Variants in DAB1 observed in about 807,000 individuals in gnomAD.
The protein encoded by DAB1 is disabled homolog 1.
DAB1 carries 15 observed loss-of-function variants against 64.6 expected under a neutral mutation model. That is an observed-to-expected ratio of 0.23 (90% CI 0.16 to 0.36). The LOEUF is 0.36. Ranked by LOEUF, DAB1 falls within the 10% of genes least tolerant of loss-of-function variation. The probability of loss-of-function intolerance (pLI) is 1.00; values close to 1 mark genes in which losing one functional copy is unlikely to be tolerated. For missense variants in DAB1, 596 were observed against 706.7 expected (o/e 0.84, Z 1.78); for synonymous variants, 235 against 251.9 (o/e 0.93, Z 0.64).
intron 6 of DAB1, among the ~76,000 whole-genome samples, chr1:57,727,480 C>T (rs551920085): frequency 2.0e-5 from 3 of 152,108 alleles, no homozygotes; most frequent in East Asian, 1.9e-4. Context: ...ATCTGTAATC[C>T]GCTGCAATCA....
intron 7 of DAB1, among the ~76,000 whole-genome samples, chr1:57,477,530 T>C (rs1210140552): frequency 1.3e-5 from 2 of 152,128 alleles, no homozygotes; most frequent in African/African-American, 4.8e-5. Context: ...CAGTCAGATA[T>C]CACTTGATTA....
chr1:58,244,749 T>C lies in DAB1; in HGVS notation n.310-94161A>G, dbSNP rs1372938681. Among the ~76,000 whole-genome samples, 5 of 152,212 alleles carry C rather than the reference T, an allele frequency of 3.3e-5. No individual in the cohort carries two copies. In the East Asian group the frequency reaches 9.6e-4, roughly 29 times the overall value. On this transcript the variant is annotated intron_variant and non_coding_transcript_variant, in intron 4 of 20. Transcript: ENST00000485760. ...GCAAATATTTTACTGATTTTTATTG[T>C]GCCAGGCATGTTCCAGCTGAGAATA...
chr1:57,226,672 A>AATATATATAT (rs61660460), intron 2 of DAB1, among the ~76,000 whole-genome samples: 15 of 135,996 alleles, frequency 1.1e-4, no homozygotes, highest in African/African-American at 4.3e-4. Context: ...TTAAAAAAAA[A>AATATATATAT]ATATATATAT....
chr1:57,386,499 G>A (rs977053806), intron 1 of DAB1: 1 of 151,946 alleles, frequency 6.6e-6, no homozygotes, highest in Non-Finnish European at 1.5e-5. Context: ...ACCTGAGACT[G>A]AATAGAACCC....
intron 1 of DAB1, among the ~76,000 whole-genome samples, chr1:57,408,349 C>G (rs1043996998): frequency 2.0e-5 from 3 of 152,090 alleles, no homozygotes; most frequent in Admixed American, 1.3e-4. Flanking sequence ...ATAGCCCTAC[C>G]CGGGTTTGAG....
At chr1:58,255,869 A>G (rs755824042) in intron 4 of DAB1, among the ~76,000 whole-genome samples, 11 of 152,208 alleles carry the variant, frequency 7.2e-5, no homozygotes, top group Non-Finnish European at 1.3e-4. Context: ...TAAGCCTGTG[A>G]GGTAAGAATT....
intron 6 of DAB1, among the ~76,000 whole-genome samples, chr1:57,750,146 G>C (rs187267182): frequency 6.6e-6 from 1 of 152,104 alleles, no homozygotes; most frequent in Non-Finnish European, 1.5e-5. Context: ...CCTGGAAATG[G>C]ATCTTTTCCT....
In DAB1 at chr1:57,018,707, C is replaced by G. The variant is rs542593477; in HGVS notation, c.896-3276G>C. ...GTTTTTGGCTTTGCTTTTATTCCAC[C>G]CTCCTTGCTGCCATGAAGGACTGTT... On this transcript the variant is annotated intron_variant, in intron 11 of 14. Transcript: ENST00000371236. Among the ~76,000 whole-genome samples, 277 of 152,254 alleles carry G rather than the reference C, an allele frequency of 1.8e-3. 2 individuals are homozygous for G. Among genetic ancestry groups the G allele is most frequent in the African/African-American group, 6.4e-3 (266 of 41,538 alleles).
rs74072772 is a variant in DAB1 at position 57,805,003 on chromosome 1, C to T, written n.551+78996G>A. Among the ~76,000 whole-genome samples the T allele has an allele frequency of 4.7e-3, 714 of 152,298 alleles. 5 individuals are homozygous for T. Among genetic ancestry groups the T allele is most frequent in the African/African-American group, 0.016 (679 of 41,562 alleles). On this transcript the variant is annotated intron_variant and non_coding_transcript_variant, in intron 6 of 20. Coordinates refer to the DAB1 transcript ENST00000485760. ...CAGAGGGGAACAGAATCAATCCAAG[C>T]TGCTCATTAAAAGGTAAACTGTCAA... is the stretch of plus-strand genomic sequence containing the variant.
At chr1:57,268,825 G>C (rs993582244) in intron 2 of DAB1, among the ~76,000 whole-genome samples, 5 of 152,198 alleles carry the variant, frequency 3.3e-5, no homozygotes, top group Admixed American at 3.3e-4. Flanking sequence ...GGCAAACTGA[G>C]CACTTGCCAG....
chr1:57,892,066 T>G (rs996914205), intron 5 of DAB1, among the ~76,000 whole-genome samples: 2 of 152,214 alleles, frequency 1.3e-5, no homozygotes, highest in African/African-American at 4.8e-5. Flanking sequence ...CTATGTTATC[T>G]TTGATCTCTG....
chr1:58,020,650 G>A (rs914171756), intron 5 of DAB1, among the ~76,000 whole-genome samples: 5 of 152,138 alleles, frequency 3.3e-5, no homozygotes, highest in African/African-American at 1.2e-4. Context: ...GGCCTGATAC[G>A]CAGAGCTGAT....
At chr1:58,268,253 TA>T (rs1424913269) in intron 4 of DAB1, among the ~76,000 whole-genome samples, 2 of 151,930 alleles carry the variant, frequency 1.3e-5, no homozygotes, top group Non-Finnish European at 2.9e-5. Flanking sequence ...CACAATAAAG[TA>T]AAAAAATACA....
rs558752944 is a variant in DAB1 at position 57,982,451 on chromosome 1, C to T, written n.388-98289G>A. ...GGAAAATTCAAATCCCACCTCTGTT[C>T]CTTCTTAGGTATCTGACGTTGTGTC... On this transcript the variant is annotated intron_variant and non_coding_transcript_variant, in intron 5 of 20. Transcript: ENST00000485760. Among the ~76,000 whole-genome samples the T allele has an allele frequency of 4.6e-5, 7 of 152,286 alleles. 1 individual carries two copies. The highest frequency in any genetic ancestry group is 3.4e-3 in the Middle Eastern group (1 of 294).
At chr1:57,665,094 C>T (rs892304603) in intron 6 of DAB1, among the ~76,000 whole-genome samples, 6 of 151,898 alleles carry the variant, frequency 4.0e-5, no homozygotes, top group South Asian at 2.1e-4. Flanking sequence ...TCTGAAAAAG[C>T]ATATTTGTAT....
rs140835784 is a variant in DAB1, at chr1:57,057,898, G to A, written c.723+4986C>T. Among the ~76,000 whole-genome samples, 687 of 152,188 alleles carry A rather than the reference G, an allele frequency of 4.5e-3. 2 individuals are homozygous for A. Among genetic ancestry groups the A allele is most frequent in the South Asian group, 7.3e-3 (35 of 4,818 alleles). On this transcript the variant is annotated intron_variant, in intron 9 of 14. Transcript: ENST00000371236. ...GCTGGGATTACAGGCATGAGCCACC[G>A]CGCCCGGCCTACTGATTCTTAATTC...
chr1:58,345,500 C>A (rs1262465579), intron 3 of DAB1, among the ~76,000 whole-genome samples: 1 of 152,198 alleles, frequency 6.6e-6, no homozygotes, highest in Non-Finnish European at 1.5e-5. Flanking sequence ...ATTCCCTGGT[C>A]TTCGGGCTTC....
intron 7 of DAB1, among the ~76,000 whole-genome samples, chr1:57,571,290 TA>T (rs1379900664): frequency 5.9e-5 from 9 of 152,166 alleles, no homozygotes; most frequent in African/African-American, 1.9e-4. Flanking sequence ...CATTTTATAG[TA>T]ATTGAAGAAT....
chr1:58,323,901 G>A (rs976300705), intron 4 of DAB1, among the ~76,000 whole-genome samples: 3 of 147,820 alleles, frequency 2.0e-5, no homozygotes, highest in Non-Finnish European at 4.4e-5. Context: ...CTCCAGCCTG[G>A]GCAGCAGAGC....
Sources: allele counts gnomAD v4.1 joint callset (sites outside exome capture counted in the v4.1 genomes callset), GRCh38; gene constraint gnomAD v4.1.1; transcripts MANE v1.5; gene names NCBI Gene and HGNC (gene_info 2026-07-23, HGNC 2026-07-21).